Variants in NAPSA observed in about 807,000 individuals in gnomAD.
The protein encoded by NAPSA is napsin A aspartic peptidase, also known as napsin-A.
A neutral mutation model predicts 36.7 loss-of-function variants in NAPSA; 37 were observed. The ratio of observed to expected loss-of-function variants is 1.01; its 90% CI spans 0.78 to 1.33. The LOEUF (loss-of-function observed/expected upper bound fraction) is 1.33. NAPSA is among the 40% of genes most tolerant of loss of function. The probability of loss-of-function intolerance (pLI) is 0.00; values close to 1 mark genes in which losing one functional copy is unlikely to be tolerated. For missense variants in NAPSA, 532 were observed against 543.8 expected (o/e 0.98, Z 0.21); for synonymous variants, 222 against 234.5 (o/e 0.95, Z 0.49).
rs1490646468 is a variant in NAPSA at position 50,359,646 on chromosome 19, C to T, written c.793G>A (p.Val265Met). The change falls in exon 7 of 9, where the codon GTG becomes ATG. Residue 265 changes from valine (V) to methionine (M), a missense_variant and splice_region_variant. By Grantham distance (21) the Val-to-Met change is conservative. This residue lies in a region of NAPSA where 385 missense variants were observed against 371.5 expected (regional missense o/e 1.04). Coordinates refer to ENST00000253719, the MANE Select transcript of NAPSA (RefSeq NM_004851.3). ...PAYWQIHMERVKVGPGLTLCA... is the reference protein window; with the variant it reads ...PAYWQIHMERMKVGPGLTLCA... ...AGAGTCAGCCCTGGGCCCACCTTCA[C>T]ACTGAGGGGGAAGGAGGCAGTCATC... The T allele has an allele frequency of 6.2e-7, 1 of 1,614,242 alleles. No individual in the cohort carries two copies. Among genetic ancestry groups the T allele is most frequent in the South Asian group, 1.1e-5 (1 of 91,092 alleles).
upstream of NAPSA, among the ~76,000 whole-genome samples, chr19:50,367,672 G>A (rs2037566808): frequency 6.6e-6 from 1 of 151,878 alleles, no homozygotes; most frequent in African/African-American, 2.4e-5. Flanking sequence ...GATTGCGCTG[G>A]GTCCTGCCCA....
At chr19:50,369,107 C>T (rs751657262), upstream of NAPSA, 2 of 152,234 alleles carry the variant, frequency 1.3e-5, no homozygotes, top group Non-Finnish European at 2.9e-5. Flanking sequence ...CGAATCCCCT[C>T]AGGAAGTGAT....
intron 3 of NAPSA, 52 bp downstream of exon 3, chr19:50,361,917 C>T (rs902290832): frequency 3.5e-5 from 56 of 1,594,718 alleles, no homozygotes; most frequent in Admixed American, 2.1e-4. Flanking sequence ...GGTCCAGCCC[C>T]GCCTCCTCCC....
At chr19:50,368,056 G>T (rs972647695), upstream of NAPSA, among the ~76,000 whole-genome samples, 8 of 151,774 alleles carry the variant, frequency 5.3e-5, no homozygotes, top group Admixed American at 3.9e-4. Context: ...TACTCGGAAG[G>T]CCGAGGCAGG....
chr19:50,364,342 G>A (rs574218235), intron 1 of NAPSA, among the ~76,000 whole-genome samples: 17 of 147,194 alleles, frequency 1.2e-4, no homozygotes, highest in Non-Finnish European at 2.5e-4. Context: ...AAGGCCAGGC[G>A]CGGTGGCTTA....
intron 1 of NAPSA, among the ~76,000 whole-genome samples, chr19:50,365,135 A>T (rs1482646936): frequency 1.3e-5 from 2 of 151,610 alleles, no homozygotes; most frequent in Non-Finnish European, 2.9e-5. Context: ...GGGGTTCCAG[A>T]CCAGCCTGGC....
At position 50,362,451 on chromosome 19, in the gene NAPSA, A is replaced by G. The variant is rs564306704; in HGVS notation, c.84-138T>C. The G allele has an allele frequency of 1.3e-5, 9 of 687,582 alleles. No homozygotes were observed. In the East Asian group the frequency reaches 2.4e-4, roughly 18 times the overall value. The allele number at this position is 687,582 out of a possible 1,614,324, so 42.6% of individuals were successfully genotyped here. ...TAGTCAGTACCAGAAACCCTGCAAT[A>G]ACAACCTCCAGAAAAGCCCATCAAA... On this transcript the variant is annotated intron_variant, in intron 1 of 8. Coordinates refer to ENST00000253719, the MANE Select transcript of NAPSA (RefSeq NM_004851.3).
chr19:50,361,639 T>G, intron 4 of NAPSA, 24 bp downstream of exon 4: 1 of 1,580,058 alleles, frequency 6.3e-7, no homozygotes, highest in Non-Finnish European at 8.7e-7. Context: ...GGCTCAAGAC[T>G]TCTGAGAGTC....
chr19:50,364,614 C>CA lies in NAPSA; in HGVS notation c.83+924dup, dbSNP rs34476647. Among the ~76,000 whole-genome samples the CA allele has an allele frequency of 8.7e-3, 333 of 38,470 alleles. 5 individuals carry two copies. The highest frequency in any genetic ancestry group is 0.012 in the East Asian group (16 of 1,298). 25.2% of individuals were successfully genotyped at this position (38,470 alleles called of 152,430 possible). On this transcript the variant is annotated intron_variant, in intron 1 of 8. Transcript: ENST00000253719. ...TGGGCAACAGAGTGAGACTCAGTCT[C>CA]AAAAAAAAAAAAAAAAAAAAAGTCC...
chr19:50,365,728 C>T (rs975180186), upstream of NAPSA: 1 of 906,394 alleles, frequency 1.1e-6, no homozygotes, highest in Non-Finnish European at 1.7e-6. Context: ...GAGACCAGGA[C>T]ATGAAATCTG....
In NAPSA at chr19:50,365,520, G is replaced by A. The variant is rs1218094618; in HGVS notation, c.83+19C>T. The A allele has an allele frequency of 2.5e-6, 4 of 1,609,810 alleles. No individual in the cohort carries two copies. Among genetic ancestry groups the A allele is most frequent in the Non-Finnish European group, 2.5e-6 (3 of 1,176,822 alleles). The stretch of plus-strand genomic sequence containing the variant: ...GAAAATCCCTCCTAAGGTTGGGGTG[G>A]TAGATGGGGTCACCATACCGGATCA... On this transcript the variant is annotated intron_variant, in intron 1 of 8. Transcript: ENST00000253719.
chr19:50,363,753 G>A (rs1423708548), intron 1 of NAPSA, among the ~76,000 whole-genome samples: 1 of 151,848 alleles, frequency 6.6e-6, no homozygotes, highest in East Asian at 1.9e-4. Flanking sequence ...TTGTAGAGGT[G>A]GAGTCTGGCC....
At chr19:50,359,692 C>A in intron 6 of NAPSA, 45 bp from the exon 7 acceptor site, 1 of 1,614,182 alleles carries the variant, frequency 6.2e-7, no homozygotes, top group Non-Finnish European at 8.5e-7. Flanking sequence ...TCCTAGGAGT[C>A]CAGGCCCCCA....
At chr19:50,361,604 G>A in intron 4 of NAPSA, 59 bp downstream of exon 4, 1 of 1,434,942 alleles carries the variant, frequency 7.0e-7, no homozygotes, top group South Asian at 1.1e-5. Context: ...TAAGCCAGAT[G>A]ATCTTAGACA....
upstream of NAPSA, among the ~76,000 whole-genome samples, chr19:50,368,883 G>A (rs1343906957): frequency 6.6e-6 from 1 of 152,200 alleles, no homozygotes; most frequent in African/African-American, 2.4e-5. Flanking sequence ...CTGGAATGCC[G>A]ACTTGCTCGC....
At chr19:50,361,401 C>T (rs995286309) in intron 4 of NAPSA, 2 of 586,016 alleles carry the variant, frequency 3.4e-6, no homozygotes, top group Non-Finnish European at 6.0e-6. Context: ...GAAGCTCCTC[C>T]TCCCTGCTTG....
Position 50,361,075 on chromosome 19 carries a change from G to A in NAPSA, c.534C>T (p.Phe178=), listed in dbSNP as rs775815223. The change falls in exon 5 of 9, where the codon TTC becomes TTT. Residue 178 remains phenylalanine, a synonymous_variant. Transcript: ENST00000253719. ...ATATCCCATCAAAATGGGCAAAAGC[G>A]AAGACCAGGCTGGGCTCCCAGAGAG... is the stretch of plus-strand genomic sequence containing the variant. The part of the protein sequence containing the change: ...GEALWEPSLV[F]AFAHFDGILG... 3.5e-5 allele frequency: 57 copies of A among 1,614,000 alleles called. No individual in the cohort carries two copies. Among genetic ancestry groups the A allele is most frequent in the Middle Eastern group, 3.3e-4 (2 of 6,084 alleles).
rs754151396 is a variant in NAPSA, at chr19:50,360,921, AG to A, written c.668+19del. The A allele has an allele frequency of 2.5e-6, 4 of 1,608,404 alleles. No homozygotes were observed. In the East Asian group the frequency reaches 6.7e-5, roughly 27 times the overall value. ...CTTCTTGGGGATAGGACTCATAGAT[AG>A]GTGCACACTTCCCAGTACCTGTTGA... On this transcript the variant is annotated intron_variant, in intron 5 of 8. Transcript: ENST00000253719.
chr19:50,367,093 G>A (rs1447397272), upstream of NAPSA, among the ~76,000 whole-genome samples: 1 of 152,102 alleles, frequency 6.6e-6, no homozygotes, highest in Non-Finnish European at 1.5e-5. Flanking sequence ...CCAAAGTGCT[G>A]GGATTACAGG....
Sources: gnomAD v4.1 joint callset for allele counts (sites outside exome capture counted in the v4.1 genomes callset) on GRCh38, gnomAD v4.1.1 for gene constraint, gnomAD v4.1.1 regional missense constraint, MANE v1.5 for transcripts, NCBI Gene and HGNC (gene_info 2026-07-23, HGNC 2026-07-21) for gene names.